IGSF21: variants seen among roughly 807,000 people sequenced by gnomAD.
IGSF21 encodes the protein immunoglobulin superfamily member 21.
A neutral mutation model predicts 46.8 loss-of-function variants in IGSF21; 28 were observed. That is an observed-to-expected ratio of 0.60 (90% CI 0.44 to 0.82). The LOEUF is 0.82. IGSF21 is among the 40% of genes least tolerant of loss of function. IGSF21 has a pLI of 0.00. For missense variants in IGSF21, 624 were observed against 665.5 expected (o/e 0.94, Z 0.69); for synonymous variants, 284 against 273.6 (o/e 1.04, Z -0.38).
intron 1 of IGSF21, among the ~76,000 whole-genome samples, chr1:18,143,293 C>T (rs181157694): frequency 2.2e-4 from 34 of 152,280 alleles, no homozygotes; most frequent in Admixed American, 9.1e-4. Flanking sequence ...CCCACCCCCT[C>T]GGCTGTCCCC....
intron 4 of IGSF21, among the ~76,000 whole-genome samples, chr1:18,352,296 AT>A (rs2124621414): frequency 6.6e-6 from 1 of 152,284 alleles, no homozygotes; most frequent in East Asian, 1.9e-4. Context: ...TAGGACCCTA[AT>A]TTAGAGATGC....
intron 1 of IGSF21, among the ~76,000 whole-genome samples, chr1:18,195,455 C>T (rs1195994928): frequency 6.6e-6 from 1 of 152,204 alleles, no homozygotes; most frequent in African/African-American, 2.4e-5. Context: ...GGAACCCCTT[C>T]TTCCTCTTCC....
chr1:18,246,549 A>T (rs1282184954), intron 2 of IGSF21, among the ~76,000 whole-genome samples: 1 of 152,070 alleles, frequency 6.6e-6, no homozygotes, highest in African/African-American at 2.4e-5. Context: ...CAAAGATGGC[A>T]GCTGGTGTCT....
At chr1:18,197,546 C>G (rs551373325) in intron 1 of IGSF21, among the ~76,000 whole-genome samples, 3 of 152,210 alleles carry the variant, frequency 2.0e-5, no homozygotes, top group Non-Finnish European at 4.4e-5. Flanking sequence ...CTGACAAATC[C>G]TCAGTGATTC....
At chr1:18,292,113 T>C (rs1488521613) in intron 3 of IGSF21, 126 bp downstream of exon 3, 3 of 1,008,788 alleles carry the variant, frequency 3.0e-6, no homozygotes, top group Non-Finnish European at 2.9e-6. Context: ...AAGGCAGAAC[T>C]GGGGGCTCCC....
rs1395641006 is a variant in IGSF21 at position 18,341,470 on chromosome 1, G to C, written c.424+6460G>C. On this transcript the variant is annotated intron_variant, in intron 4 of 9. Coordinates refer to ENST00000251296, the MANE Select transcript of IGSF21 (RefSeq NM_032880.5). ...ACTGAGTCAGGATGTAGCACACCAA[G>C]ATTCCCTGTCTGACTCTGAAGCTGA... Among the ~76,000 whole-genome samples the C allele has an allele frequency of 3.3e-5, 5 of 152,288 alleles. No individual in the cohort carries two copies. In the East Asian group the frequency reaches 9.7e-4, roughly 29 times the overall value.
intron 3 of IGSF21, among the ~76,000 whole-genome samples, chr1:18,311,439 C>G (rs2085487304): frequency 6.6e-6 from 1 of 152,240 alleles, no homozygotes; most frequent in Admixed American, 6.5e-5. Flanking sequence ...ACAGACTCCA[C>G]TGTCATTCTG....
At chr1:18,251,561 T>A (rs527446710) in intron 2 of IGSF21, among the ~76,000 whole-genome samples, 8 of 152,276 alleles carry the variant, frequency 5.3e-5, no homozygotes, top group Admixed American at 2.0e-4. Context: ...TGTGGATTGC[T>A]CTTATGGGCC....
chr1:18,332,424 C>G (rs1471465336), intron 3 of IGSF21, among the ~76,000 whole-genome samples: 3 of 152,122 alleles, frequency 2.0e-5, no homozygotes, highest in Non-Finnish European at 4.4e-5. Context: ...TGAGTGTCAC[C>G]AAGTGCAAAT....
intron 3 of IGSF21, among the ~76,000 whole-genome samples, chr1:18,302,529 ATTC>A (rs1402740244): frequency 2.0e-5 from 3 of 152,060 alleles, no homozygotes; most frequent in Non-Finnish European, 4.4e-5. Flanking sequence ...TTAGAATGAT[ATTC>A]TTCTCTTCTT....
At chr1:18,174,509 AG>A (rs2086775616) in intron 1 of IGSF21, among the ~76,000 whole-genome samples, 1 of 152,180 alleles carries the variant, frequency 6.6e-6, no homozygotes, top group African/African-American at 2.4e-5. Flanking sequence ...TTAGACAAAA[AG>A]CTGCCTGCTC....
chr1:18,362,561 G>T (rs1474120098), intron 5 of IGSF21, among the ~76,000 whole-genome samples: 1 of 152,148 alleles, frequency 6.6e-6, no homozygotes, highest in Admixed American at 6.5e-5. Flanking sequence ...ACAAATGAAA[G>T]GGGGCCCCGA....
At chr1:18,256,775 T>A (rs1278075968) in intron 2 of IGSF21, among the ~76,000 whole-genome samples, 1 of 152,128 alleles carries the variant, frequency 6.6e-6, no homozygotes, top group Non-Finnish European at 1.5e-5. Context: ...GGAGGAGACA[T>A]CCCAGCCGCA....
At chr1:18,307,865 T>A (rs1413811243) in intron 3 of IGSF21, among the ~76,000 whole-genome samples, 3 of 152,190 alleles carry the variant, frequency 2.0e-5, no homozygotes, top group Non-Finnish European at 4.4e-5. Context: ...GCACAGTCCA[T>A]GAAGTAAAGG....
chr1:18,267,295 G>T (rs1236015081), intron 2 of IGSF21, among the ~76,000 whole-genome samples: 1 of 152,178 alleles, frequency 6.6e-6, no homozygotes, highest in Non-Finnish European at 1.5e-5. Flanking sequence ...AGGTGGTGAG[G>T]TTCAGCTACA....
intron 4 of IGSF21, among the ~76,000 whole-genome samples, chr1:18,343,248 T>C (rs1030326062): frequency 3.9e-5 from 6 of 152,234 alleles, no homozygotes; most frequent in African/African-American, 1.4e-4. Context: ...ACATCTTCTT[T>C]GGAGAAACAT....
chr1:18,172,926 C>T (rs1349913917), intron 1 of IGSF21, among the ~76,000 whole-genome samples: 1 of 151,630 alleles, frequency 6.6e-6, no homozygotes, highest in African/African-American at 2.4e-5. Context: ...GTGTGTGACT[C>T]AATCCATAAG....
At chr1:18,182,893 G>C (rs1442134607) in intron 1 of IGSF21, among the ~76,000 whole-genome samples, 1 of 152,108 alleles carries the variant, frequency 6.6e-6, no homozygotes. Flanking sequence ...TCCAGGCCCC[G>C]CTGCCCTCAT....
chr1:18,280,569 G>T (rs76354739), intron 2 of IGSF21, among the ~76,000 whole-genome samples: 1 of 152,136 alleles, frequency 6.6e-6, no homozygotes, highest in Non-Finnish European at 1.5e-5. Context: ...GGAAGAACCC[G>T]ATTCATCCTC....
Sources: allele counts gnomAD v4.1 joint callset (sites outside exome capture counted in the v4.1 genomes callset), GRCh38; gene constraint gnomAD v4.1.1; transcripts MANE v1.5; gene names NCBI Gene and HGNC (gene_info 2026-07-23, HGNC 2026-07-21).